Variants in CAPZB observed in about 807,000 individuals in gnomAD.
CAPZB encodes the protein F-actin-capping protein subunit beta.
CAPZB carries 2 observed loss-of-function variants against 38.1 expected under a neutral mutation model. That is an observed-to-expected ratio of 0.05 (90% CI 0.02 to 0.17). The LOEUF (loss-of-function observed/expected upper bound fraction) is 0.17, where lower values mean the gene tolerates loss of function less well. CAPZB is among the 10% of genes least tolerant of loss of function. The pLI is 1.00. For synonymous variants in CAPZB, 107 were observed against 127.4 expected (o/e 0.84, Z 1.08); for missense variants, 161 against 334.2 (o/e 0.48, Z 4.04).
At chr1:19,451,456 G>T (rs34929465) in intron 1 of CAPZB, among the ~76,000 whole-genome samples, 3 of 152,072 alleles carry the variant, frequency 2.0e-5, no homozygotes, top group East Asian at 3.9e-4. Flanking sequence ...GCTCCCCACC[G>T]GCATGTGGTA....
intron 2 of CAPZB, among the ~76,000 whole-genome samples, chr1:19,406,887 AC>A (rs1218525142): frequency 6.6e-6 from 1 of 151,998 alleles, no homozygotes; most frequent in African/African-American, 2.4e-5. Flanking sequence ...GAAGCTTTAC[AC>A]CCCCCATCTC....
intron 1 of CAPZB, among the ~76,000 whole-genome samples, chr1:19,439,697 G>C (rs1338253194): frequency 1.3e-5 from 2 of 152,202 alleles, no homozygotes; most frequent in African/African-American, 4.8e-5. Context: ...CCTCCAAGCA[G>C]CTTCCCTCCC....
At chr1:19,431,819 G>A (rs1264765268) in intron 1 of CAPZB, among the ~76,000 whole-genome samples, 2 of 152,116 alleles carry the variant, frequency 1.3e-5, no homozygotes, top group African/African-American at 2.4e-5. Context: ...GCTTACACCT[G>A]TAATCCTAGC....
chr1:19,375,662 A>T, intron 4 of CAPZB, among the ~76,000 whole-genome samples: 1 of 152,210 alleles, frequency 6.6e-6, no homozygotes, highest in Non-Finnish European at 1.5e-5. Context: ...TAGGCAAGTC[A>T]AAGGCACACA....
rs972431674 is a variant in CAPZB, at chr1:19,386,644, A to G, written c.94-1018T>C. Among the ~76,000 whole-genome samples the G allele has an allele frequency of 7.2e-5, 11 of 152,324 alleles. No individual in the cohort carries two copies. The South Asian group carries it at 8.3e-4, about 11-fold the overall frequency. ...GTTCTTCCAGAAGGCCCTTGCCACC[A>G]TCCAAGAGACAGGCAGGGACAGGGA... On this transcript the variant is annotated intron_variant, in intron 2 of 8. Transcript: ENST00000264202.
At chr1:19,464,676 C>G (rs772677349) in intron 1 of CAPZB, among the ~76,000 whole-genome samples, 1 of 152,034 alleles carries the variant, frequency 6.6e-6, no homozygotes, top group Non-Finnish European at 1.5e-5. Flanking sequence ...CTGAATGGTA[C>G]GTCCATACCA....
At chr1:19,418,204 C>T (rs2094388332) in intron 2 of CAPZB, among the ~76,000 whole-genome samples, 1 of 137,846 alleles carries the variant, frequency 7.3e-6, no homozygotes, top group African/African-American at 2.8e-5. Flanking sequence ...TTACATAAAA[C>T]CCCAAATATA....
intron 2 of CAPZB, among the ~76,000 whole-genome samples, chr1:19,392,886 A>C (rs1482668396): frequency 6.6e-6 from 1 of 152,242 alleles, no homozygotes; most frequent in Non-Finnish European, 1.5e-5. Flanking sequence ...AAGGCCTCCC[A>C]GTGAGGGCCT....
rs567101460 is a variant in CAPZB at position 19,364,712 on chromosome 1, A to G, written c.330-7149T>C. ...TGTTAACCAATGCATAGCAGGGACC[A>G]GCACATCTCTTGGCAAACAGGCTAC... On this transcript the variant is annotated intron_variant, in intron 4 of 8. Coordinates refer to ENST00000264202, the MANE Select transcript of CAPZB (RefSeq NM_004930.5). 3.3e-4 allele frequency among the ~76,000 whole-genome samples: 51 copies of G among 152,364 alleles called. 1 individual carries two copies. In the South Asian group the frequency reaches 9.9e-3, roughly 30 times the overall value.
rs112399355 is a variant in CAPZB, at chr1:19,356,861, C to CTT, written c.472-112_472-111dup. The CTT allele has an allele frequency of 6.3e-4, 370 of 588,936 alleles. No homozygotes were observed. Among genetic ancestry groups the CTT allele is most frequent in the African/African-American group, 2.4e-3 (123 of 52,028 alleles). The allele number at this position is 588,936 out of a possible 1,614,324, so 36.5% of individuals were successfully genotyped here. On this transcript the variant is annotated intron_variant, in intron 5 of 8. Transcript: ENST00000264202. This position sits in a 1 kb window ranked among gnomAD's most constrained non-coding sequence, Gnocchi z 4.3. ...TCCTAGGTCATTATCACAATATTAC[C>CTT]TTTTTTTTTTTTAAATTGGAGACAA... is the stretch of plus-strand genomic sequence containing the variant.
intron 4 of CAPZB, among the ~76,000 whole-genome samples, chr1:19,368,495 GAAAAA>G (rs33961282): frequency 2.7e-5 from 3 of 112,726 alleles, no homozygotes; most frequent in African/African-American, 6.5e-5. Flanking sequence ...TTTTTTCTTG[GAAAAA>G]AAAAAAAAAA....
rs1358500105 is a variant in CAPZB at position 19,485,538 on chromosome 1, A to T, written c.-100T>A. The T allele has an allele frequency of 2.2e-5, 22 of 998,002 alleles. No homozygotes were observed. Among genetic ancestry groups the T allele is most frequent in the Non-Finnish European group, 2.7e-5 (21 of 778,702 alleles). The allele number at this position is 998,002 out of a possible 1,614,324, so 61.8% of individuals were successfully genotyped here. Reference sequence around the variant, plus strand: ...CTTCCCCGGGTGCCCAGGAGTGAACATCCGGGTCAGCACCCCCCTCCCCCC... The same window carrying T: ...CTTCCCCGGGTGCCCAGGAGTGAACTTCCGGGTCAGCACCCCCCTCCCCCC... On this transcript the variant is annotated 5_prime_UTR_variant, in exon 1 of 9. It removes an upstream start codon present in the reference 5' UTR. Coordinates refer to ENST00000264202, the MANE Select transcript of CAPZB (RefSeq NM_004930.5).
chr1:19,424,410 G>A (rs941027837), intron 1 of CAPZB: 1 of 152,198 alleles, frequency 6.6e-6, no homozygotes, highest in Non-Finnish European at 1.5e-5. Context: ...CGTGCCTGTA[G>A]TTCCGGCTAC....
intron 1 of CAPZB, chr1:19,424,505 T>C (rs1295342012): frequency 6.6e-6 from 1 of 152,344 alleles, no homozygotes; most frequent in Non-Finnish European, 1.5e-5. Flanking sequence ...CGCACTAAGT[T>C]TGGCATCAAT....
At chr1:19,381,328 G>A (rs945079187) in intron 3 of CAPZB, among the ~76,000 whole-genome samples, 1 of 149,346 alleles carries the variant, frequency 6.7e-6, no homozygotes, top group African/African-American at 2.5e-5. Context: ...CCTCATGCCT[G>A]TCATATCCTT....
chr1:19,369,249 T>C (rs1183818841), intron 4 of CAPZB, among the ~76,000 whole-genome samples: 7 of 152,188 alleles, frequency 4.6e-5, no homozygotes, highest in Admixed American at 2.0e-4. Context: ...TGCAAGCCTG[T>C]CTAGATCCAC....
At chr1:19,450,885 T>A (rs970602341) in intron 1 of CAPZB, among the ~76,000 whole-genome samples, 1 of 152,174 alleles carries the variant, frequency 6.6e-6, no homozygotes, top group South Asian at 2.1e-4. Flanking sequence ...CAAAAGGTTA[T>A]GAAAAACCCC....
At chr1:19,449,683 G>C (rs976458315) in intron 1 of CAPZB, among the ~76,000 whole-genome samples, 36 of 151,582 alleles carry the variant, frequency 2.4e-4, no homozygotes, top group Non-Finnish European at 8.8e-5. Flanking sequence ...TACTTGAGAG[G>C]CTGAGGCATG....
intron 1 of CAPZB, among the ~76,000 whole-genome samples, chr1:19,452,444 C>T (rs183376500): frequency 6.6e-6 from 1 of 152,284 alleles, no homozygotes; most frequent in East Asian, 1.9e-4. Flanking sequence ...TAAACATTCC[C>T]GGAACAATTC....
Sources: allele counts gnomAD v4.1 joint callset (sites outside exome capture counted in the v4.1 genomes callset), GRCh38; gene constraint gnomAD v4.1.1; non-coding constraint Gnocchi (gnomAD v3.1); transcripts MANE v1.5; gene names NCBI Gene and HGNC (gene_info 2026-07-23, HGNC 2026-07-21).